The following NCOA2 variants were observed in gnomAD, a reference collection of about 807,000 sequenced individuals.
The protein encoded by NCOA2 is class E basic helix-loop-helix protein 75.
NCOA2 carries 21 observed loss-of-function variants against 145.1 expected under a neutral mutation model. That is an observed-to-expected ratio of 0.14 (90% CI 0.10 to 0.21). The LOEUF (loss-of-function observed/expected upper bound fraction) is 0.21. Ranked by LOEUF, NCOA2 falls within the 10% of genes least tolerant of loss-of-function variation. NCOA2 has a pLI of 1.00. For missense variants in NCOA2, 1,472 were observed against 1,837.6 expected, an observed-to-expected ratio of 0.80 and a Z score of 3.64; for synonymous variants, 619 against 637.5, an observed-to-expected ratio of 0.97 and a Z score of 0.44.
intron 4 of NCOA2, among the ~76,000 whole-genome samples, chr8:70,178,478 G>A (rs1475944434): frequency 6.6e-6 from 1 of 152,234 alleles, no homozygotes; most frequent in African/African-American, 2.4e-5. Context: ...AATGGAGAAT[G>A]AGTGGCCTAT....
intron 2 of NCOA2, among the ~76,000 whole-genome samples, chr8:70,267,667 C>T (rs545539447): frequency 6.6e-6 from 1 of 152,056 alleles, no homozygotes; most frequent in East Asian, 1.9e-4. Context: ...GAAATGCTGT[C>T]TTTGACTAGT....
chr8:70,244,233 A>T (rs551440587), intron 2 of NCOA2, among the ~76,000 whole-genome samples: 27 of 152,150 alleles, frequency 1.8e-4, no homozygotes, highest in Non-Finnish European at 2.8e-4. Flanking sequence ...AATGAAAAAC[A>T]TTAGCAAAAT....
At chr8:70,442,992 G>A in the NCOA2 span, among the ~76,000 whole-genome samples, 2 of 152,106 alleles carry the variant, frequency 1.3e-5, no homozygotes, top group African/African-American at 4.8e-5. Context: ...GCACAAAAAA[G>A]CTTAACAAGT....
At chr8:70,271,274 C>T (rs1362816534) in intron 2 of NCOA2, among the ~76,000 whole-genome samples, 1 of 152,064 alleles carries the variant, frequency 6.6e-6, no homozygotes, top group Non-Finnish European at 1.5e-5. Context: ...AAATAAAAAA[C>T]AAGGTAAGCA....
At chr8:70,169,093 A>G (rs1813949096) in intron 6 of NCOA2, among the ~76,000 whole-genome samples, 1 of 152,198 alleles carries the variant, frequency 6.6e-6, no homozygotes, top group Non-Finnish European at 1.5e-5. Flanking sequence ...ATTTGACCTT[A>G]TTTTGCACTT....
At chr8:70,441,848 AAGAC>A in the NCOA2 span, among the ~76,000 whole-genome samples, 11 of 143,864 alleles carry the variant, frequency 7.6e-5, no homozygotes, top group Admixed American at 1.4e-4. Flanking sequence ...GAAAGACAGA[AAGAC>A]AGACAGACAA....
chr8:70,302,068 C>T (rs951836691), intron 1 of NCOA2, among the ~76,000 whole-genome samples: 2 of 152,040 alleles, frequency 1.3e-5, no homozygotes, highest in African/African-American at 4.8e-5. Flanking sequence ...CTTTAAGTCA[C>T]CACAGGATAT....
At chr8:70,431,781 A>G in the NCOA2 span, among the ~76,000 whole-genome samples, 1 of 152,224 alleles carries the variant, frequency 6.6e-6, no homozygotes, top group Non-Finnish European at 1.5e-5. Flanking sequence ...ATATGTTTCA[A>G]ATAGTCTATT....
intron 6 of NCOA2, among the ~76,000 whole-genome samples, chr8:70,168,747 A>G (rs1438724783): frequency 2.0e-5 from 3 of 152,252 alleles, no homozygotes; most frequent in African/African-American, 7.2e-5. Context: ...ATATAAAGTA[A>G]GGCAAAGAGC....
chr8:70,114,721 G>T (rs1212586456), intron 22 of NCOA2, among the ~76,000 whole-genome samples: 1 of 152,150 alleles, frequency 6.6e-6, no homozygotes, highest in East Asian at 1.9e-4. Flanking sequence ...AATTGCTTCT[G>T]GGATTTAGAT....
intron 1 of NCOA2, among the ~76,000 whole-genome samples, chr8:70,368,290 C>T (rs1052364284): frequency 6.6e-6 from 1 of 152,054 alleles, no homozygotes. Flanking sequence ...AGTGCAAGGC[C>T]GCATAGGGAA....
chr8:70,217,126 G>A (rs1357558810), intron 2 of NCOA2, among the ~76,000 whole-genome samples: 7 of 152,176 alleles, frequency 4.6e-5, no homozygotes, highest in Admixed American at 1.3e-4. Flanking sequence ...GGAAACTACA[G>A]GTGTTGTAAG....
chr8:70,297,996 T>C (rs1028697302), intron 1 of NCOA2, among the ~76,000 whole-genome samples: 5 of 152,248 alleles, frequency 3.3e-5, no homozygotes, highest in African/African-American at 1.2e-4. Context: ...AAAATGTATC[T>C]CTTTTTAAGA....
the NCOA2 span, among the ~76,000 whole-genome samples, chr8:70,415,748 G>A: frequency 6.6e-5 from 10 of 152,254 alleles, no homozygotes; most frequent in South Asian, 2.1e-4. Flanking sequence ...TGAGACCTAA[G>A]TGTATTTTAT....
intron 1 of NCOA2, among the ~76,000 whole-genome samples, chr8:70,377,572 T>G (rs898599973): frequency 1.3e-5 from 2 of 152,326 alleles, no homozygotes; most frequent in East Asian, 3.9e-4. Context: ...AAACTGTGAT[T>G]TGAAATCACA....
At chr8:70,382,321 G>C (rs1812271008) in intron 1 of NCOA2, among the ~76,000 whole-genome samples, 1 of 151,998 alleles carries the variant, frequency 6.6e-6, no homozygotes, top group South Asian at 2.1e-4. Context: ...TGACTTCGAA[G>C]ATCACTTTTC....
At chr8:70,333,613 G>A (rs1025442439) in intron 1 of NCOA2, among the ~76,000 whole-genome samples, 6 of 152,184 alleles carry the variant, frequency 3.9e-5, no homozygotes, top group African/African-American at 1.4e-4. Context: ...ATCAAGGCAT[G>A]GAAGGGTGAG....
At chr8:70,160,742 C>A (rs1812890484) in intron 9 of NCOA2, among the ~76,000 whole-genome samples, 1 of 149,958 alleles carries the variant, frequency 6.7e-6, no homozygotes, top group African/African-American at 2.5e-5. Flanking sequence ...CGTAAAATTT[C>A]ACTTTAAGCA....
intron 12 of NCOA2, 36 bp from the exon 13 acceptor site, chr8:70,144,884 T>A: frequency 6.5e-7 from 1 of 1,546,430 alleles, no homozygotes; most frequent in Non-Finnish European, 8.9e-7. Context: ...AAGGTTAATA[T>A]AGGATAATGG....
Sources: allele counts gnomAD v4.1 joint callset (sites outside exome capture counted in the v4.1 genomes callset), GRCh38; gene constraint gnomAD v4.1.1; transcripts MANE v1.5; gene names NCBI Gene and HGNC (gene_info 2026-07-23, HGNC 2026-07-21).